Variants in KDM5C observed in about 807,000 individuals in gnomAD.
The protein encoded by KDM5C is lysine-specific demethylase 5C.
In KDM5C, 16 loss-of-function variants were observed where a neutral mutation model predicts 110.6. That is an observed-to-expected ratio of 0.14 (90% CI 0.10 to 0.22). KDM5C has a LOEUF of 0.22. KDM5C is among the 10% of genes least tolerant of loss of function. KDM5C has a pLI of 1.00. For missense variants in KDM5C, 681 were observed against 1,300.9 expected (o/e 0.52, Z 7.33); for synonymous variants, 511 against 520.4 (o/e 0.98, Z 0.24).
At chrX:53,186,587 C>T (rs189946260), downstream of KDM5C, among the ~76,000 whole-genome samples, 105 of 112,838 alleles carry the variant, frequency 9.3e-4, no homozygotes, top group African/African-American at 3.3e-3. Flanking sequence ...ATCCCTCTCT[C>T]ACCCACACCT....
chrX:53,192,266 T>C lies in KDM5C; in HGVS notation c.*701A>G, dbSNP rs1198076814. The C allele has an allele frequency of 2.9e-5, 5 of 174,335 alleles. No individual in the cohort carries two copies. The highest frequency in any genetic ancestry group is 5.5e-5 in the Non-Finnish European group (5 of 91,548). The allele number at this position is 174,335 out of a possible 1,213,427, so 14.4% of individuals were successfully genotyped here. ...AAGTTTCTTGTTTTGCTTTTTTTTT[T>C]CTTTTGAACAAATTAATTACACACC... On this transcript the variant is annotated 3_prime_UTR_variant, in exon 26 of 26. Coordinates refer to ENST00000375401, the MANE Select transcript of KDM5C (RefSeq NM_004187.5).
intron 25 of KDM5C, among the ~76,000 whole-genome samples, chrX:53,181,135 ATTTT>A (rs1177258876): frequency 9.4e-6 from 1 of 106,220 alleles, no homozygotes; most frequent in African/African-American, 3.4e-5. Context: ...ATATATATAT[ATTTT>A]TTTTTGTTTG....
chrX:53,195,840 C>T, intron 20 of KDM5C, 76 bp downstream of exon 20: 2 of 1,101,729 alleles, frequency 1.8e-6, no homozygotes, highest in Non-Finnish European at 2.5e-6. Context: ...TCCCAGCAAC[C>T]CAGCACATCC....
At chrX:53,188,758 T>G (rs1556829058), downstream of KDM5C, among the ~76,000 whole-genome samples, 3 of 111,761 alleles carry the variant, frequency 2.7e-5, no homozygotes. Flanking sequence ...GACTATGAGT[T>G]CTGTCTGGCA....
Position 53,216,196 on chromosome X carries a change from G to A in KDM5C, c.659C>T (p.Pro220Leu), listed in dbSNP as rs2073736194. Residue 220 changes from proline to leucine, a missense_variant and splice_region_variant, in exon 6 of 26, where the codon CCG becomes CTG. Physicochemically the swap from Pro to Leu is moderately conservative, Grantham distance 98. This residue lies in a region of KDM5C where 55 missense variants were observed against 118.0 expected (regional missense o/e 0.47). Transcript: ENST00000375401. ...GRRAKRLQPD[P>L]EPTEEDIEKN... ...CTCAATGTCTTCCTCTGTGGGTTCCGGCTGGAAGGAAAGAAGGAAATGAAT... is the reference window on the plus strand; with the variant it reads ...CTCAATGTCTTCCTCTGTGGGTTCCAGCTGGAAGGAAAGAAGGAAATGAAT... 1 of 1,210,132 alleles carries A rather than the reference G, an allele frequency of 8.3e-7. No individual in the cohort carries two copies. The highest frequency in any genetic ancestry group is 2.2e-5 in the Admixed American group (1 of 45,896).
In KDM5C at chrX:53,218,057, G is replaced by A. The variant is rs1381701240; in HGVS notation, c.352-91C>T. 7.1e-6 allele frequency: 7 copies of A among 981,896 alleles called. No individual in the cohort carries two copies. In the East Asian group the frequency reaches 2.3e-4, roughly 32 times the overall value. The allele number at this position is 981,896 out of a possible 1,213,427, so 80.9% of individuals were successfully genotyped here. A position where few individuals can be genotyped will look rare whatever the true frequency, so the allele number is the denominator to read the frequency against. On this transcript the variant is annotated intron_variant, in intron 3 of 25. Transcript: ENST00000375401. ...GTAGAAAGGGCAAAAGGGCAATGAG[G>A]GCAACTCTAGTCCCTCACTTCACTG...
chrX:53,213,959 CT>C (rs1348487424), intron 8 of KDM5C, among the ~76,000 whole-genome samples: 100 of 104,338 alleles, frequency 9.6e-4, no homozygotes, highest in Admixed American at 1.0e-3. Flanking sequence ...TCCAAAATGT[CT>C]TTTTTTTTTT....
chrX:53,221,031 C>T (rs782660710), intron 1 of KDM5C, 115 bp from the exon 2 acceptor site: 2 of 621,155 alleles, frequency 3.2e-6, no homozygotes, highest in East Asian at 3.3e-5. Flanking sequence ...CTAGCCACTC[C>T]AGACCCTTTA....
chrX:53,221,583 C>T lies in KDM5C; in HGVS notation c.151-667G>A, dbSNP rs1556854732. 1.0e-5 allele frequency: 4 copies of T among 387,452 alleles called. No individual in the cohort carries two copies. The East Asian group carries it at 2.9e-4, about 28-fold the overall frequency. The allele number at this position is 387,452 out of a possible 1,213,427, so 31.9% of individuals were successfully genotyped here. On this transcript the variant is annotated intron_variant, in intron 1 of 25. Transcript: ENST00000375401. ...TAGCTCAGGTCCGATTGTGGCAGGA[C>T]GTAAAGGTTTGGGCCTTTAATGTTT...
intron 25 of KDM5C, among the ~76,000 whole-genome samples, chrX:53,182,031 G>A (rs1245371501): frequency 1.8e-5 from 2 of 110,763 alleles, no homozygotes; most frequent in African/African-American, 3.3e-5. Context: ...CTCGTGATTA[G>A]CCCGCCTCGG....
intron 22 of KDM5C, 37 bp from the exon 23 acceptor site, chrX:53,194,775 G>A (rs1024374754): frequency 1.7e-6 from 2 of 1,207,925 alleles, no homozygotes; most frequent in Non-Finnish European, 2.2e-6. Context: ...TGGGTCAGCA[G>A]CCTACCCCTT....
chrX:53,206,448 G>A (rs782538114), intron 12 of KDM5C, among the ~76,000 whole-genome samples: 4 of 111,333 alleles, frequency 3.6e-5, no homozygotes, highest in Non-Finnish European at 7.5e-5. Flanking sequence ...TGAATTTTAC[G>A]GTATGTAGCA....
chrX:53,218,724 C>T (rs1194752318), intron 2 of KDM5C: 7 of 343,220 alleles, frequency 2.0e-5, no homozygotes, highest in Admixed American at 1.9e-4. Context: ...TATAGGCGCA[C>T]GCCACCACGC....
Position 53,194,524 on chromosome X carries a change from C to T in KDM5C, c.3653G>A (p.Arg1218His), listed in dbSNP as rs782419957. The T allele has an allele frequency of 4.1e-6, 5 of 1,209,643 alleles. No individual in the cohort carries two copies. The highest frequency in any genetic ancestry group is 1.7e-5 in the African/African-American group (1 of 57,276). Residue 1218 changes from arginine (R) to histidine (H), a missense_variant, in exon 23 of 26, where the codon CGC becomes CAC. Physicochemically the swap from Arg to His is conservative, Grantham distance 29 (BLOSUM62 0). Coordinates refer to ENST00000375401, the MANE Select transcript of KDM5C (RefSeq NM_004187.5). Reference sequence around the variant, plus strand: ...ATTGGGCCTCGGAGAGCTGAGGAGGCGAGGCACTGACACACACCGCCCATG... The same window carrying T: ...ATTGGGCCTCGGAGAGCTGAGGAGGTGAGGCACTGACACACACCGCCCATG... ...WFHGRCVSVP[R>H]LLSSPRPNPT...
At chrX:53,189,112 T>C (rs1031470625), downstream of KDM5C, among the ~76,000 whole-genome samples, 3 of 112,504 alleles carry the variant, frequency 2.7e-5, no homozygotes, top group Non-Finnish European at 3.8e-5. Flanking sequence ...TAATTTGTTA[T>C]GTAGCAAATA....
At chrX:53,219,846 T>C (rs1962070508) in intron 2 of KDM5C, among the ~76,000 whole-genome samples, 1 of 112,062 alleles carries the variant, frequency 8.9e-6, no homozygotes, top group Admixed American at 9.5e-5. Context: ...AACCTGCCCT[T>C]GTGTCATGCT....
At chrX:53,199,262 G>T in intron 14 of KDM5C, 104 bp from the exon 15 acceptor site, 1 of 873,718 alleles carries the variant, frequency 1.1e-6, no homozygotes, top group Non-Finnish European at 1.7e-6. Flanking sequence ...TCTATGCTGA[G>T]GGTCATGGGG....
intron 12 of KDM5C, chrX:53,202,487 C>T (rs193208865): frequency 8.0e-6 from 1 of 124,590 alleles, no homozygotes; most frequent in Non-Finnish European, 1.6e-5. Context: ...TCAATTTGCT[C>T]AGTTTTTTAT....
chrX:53,208,430 T>C (rs2073428710), intron 12 of KDM5C, among the ~76,000 whole-genome samples: 1 of 99,387 alleles, frequency 1.0e-5, no homozygotes, highest in African/African-American at 3.6e-5. Context: ...TATATATATA[T>C]ATATATATAT....
Sources: allele counts gnomAD v4.1 joint callset (sites outside exome capture counted in the v4.1 genomes callset), GRCh38; gene constraint gnomAD v4.1.1; regional missense constraint gnomAD v4.1.1; transcripts MANE v1.5; gene names NCBI Gene and HGNC (gene_info 2026-07-23, HGNC 2026-07-21).